Variants in SERPINB9 observed in about 807,000 individuals in gnomAD.
SERPINB9 encodes the protein serpin B9.
A neutral mutation model predicts 27.2 loss-of-function variants in SERPINB9; 20 were observed. The observed-to-expected ratio is 0.74, with a 90% CI of 0.52 to 1.07. The LOEUF (loss-of-function observed/expected upper bound fraction) is 1.07. Ranked by LOEUF, SERPINB9 falls within the 50% of genes least tolerant of loss-of-function variation. The pLI is 0.00. For synonymous variants in SERPINB9, 189 were observed against 180.0 expected (o/e 1.05, Z -0.40); for missense variants, 476 against 460.1 (o/e 1.03, Z -0.32).
intron 5 of SERPINB9, 130 bp downstream of exon 5, chr6:2,893,281 T>G (rs148905641): frequency 1.3e-6 from 1 of 759,200 alleles, no homozygotes; most frequent in East Asian, 3.3e-5. Flanking sequence ...AGTTAAGAAA[T>G]TCATTCAGAA....
intron 1 of SERPINB9, among the ~76,000 whole-genome samples, chr6:2,902,698 A>G (rs1231787966): frequency 4.6e-5 from 7 of 152,094 alleles, no homozygotes; most frequent in African/African-American, 1.7e-4. Flanking sequence ...CTGTATTTTT[A>G]GTAGAGACCG....
Position 2,891,990 on chromosome 6 carries a change from T to TG in SERPINB9, c.568-3dup. On this transcript the variant is annotated splice_region_variant and splice_polypyrimidine_tract_variant and intron_variant, in intron 5 of 6. Transcript: ENST00000380698. The surrounding 1 kb of genome is among the most constrained non-coding windows in gnomAD (Gnocchi z 4.0). The stretch of plus-strand genomic sequence containing the variant: ...CATCTGCACTGGCCTTTGCTCCTCC[T>TG]GGGGGAAGGATTATTGAAAGACGCA... The TG allele has an allele frequency of 6.2e-7, 1 of 1,612,764 alleles. No homozygotes were observed. The highest frequency in any genetic ancestry group is 2.2e-5 in the East Asian group (1 of 44,806).
chr6:2,901,176 T>G (rs1176189955), intron 1 of SERPINB9, among the ~76,000 whole-genome samples: 1 of 152,050 alleles, frequency 6.6e-6, no homozygotes, highest in East Asian at 1.9e-4. Flanking sequence ...GGCAAGTGAG[T>G]GCGTCCTGGA....
chr6:2,896,026 T>C (rs1767984792), intron 3 of SERPINB9, 27 bp downstream of exon 3: 2 of 1,599,614 alleles, frequency 1.3e-6, no homozygotes, highest in South Asian at 2.3e-5. Context: ...TGAATGCAAC[T>C]TTTATTGTTC....
rs1292166996 is a variant in SERPINB9, at chr6:2,891,926, G to A, written c.630C>T (p.Gly210=). The A allele has an allele frequency of 2.5e-6, 4 of 1,613,008 alleles. No individual in the cohort carries two copies. The highest frequency in any genetic ancestry group is 1.1e-5 in the South Asian group (1 of 91,058). ...GCTCCAGCAGCTGCGCGCGCACCTC[G>A]CCCACGTGGGCGAGCTTAAACGTGG... ...QEATFKLAHV[G]EVRAQLLELP... Residue 210 remains glycine (G), a synonymous_variant, in exon 6 of 7, where the codon GGC becomes GGT. Transcript: ENST00000380698. The surrounding 1 kb of genome is among the most constrained non-coding windows in gnomAD (Gnocchi z 4.0).
chr6:2,889,822 C>T lies in SERPINB9; in HGVS notation c.*341G>A, dbSNP rs1008277741. ...GCACCATTTATTACCACTGAGGCAG[C>T]GGGTTAAGGAATGTATTCGCAGTGT... On this transcript the variant is annotated 3_prime_UTR_variant, in exon 7 of 7. Transcript: ENST00000380698. The T allele has an allele frequency of 5.0e-5, 11 of 219,284 alleles. No individual in the cohort carries two copies. The highest frequency in any genetic ancestry group is 1.8e-4 in the African/African-American group (8 of 44,540). 13.6% of individuals were successfully genotyped at this position (219,284 alleles called of 1,614,324 possible).
Position 2,891,585 on chromosome 6 carries a change from C to T in SERPINB9, c.723+248G>A, listed in dbSNP as rs1176111598. Among the ~76,000 whole-genome samples, 1 of 152,140 alleles carries T rather than the reference C, an allele frequency of 6.6e-6. No homozygotes were observed. Among genetic ancestry groups the T allele is most frequent in the Non-Finnish European group, 1.5e-5 (1 of 68,020 alleles). ...CTCCTACCTGATTTATTTTAAAAGGCATTTTAACCGCCGCCCACTCCTTCT... is the reference window on the plus strand; with the variant it reads ...CTCCTACCTGATTTATTTTAAAAGGTATTTTAACCGCCGCCCACTCCTTCT... On this transcript the variant is annotated intron_variant, in intron 6 of 6. Transcript: ENST00000380698. This position sits in a 1 kb window ranked among gnomAD's most constrained non-coding sequence, Gnocchi z 4.0.
chr6:2,893,627 T>G, intron 4 of SERPINB9, 74 bp from the exon 5 acceptor site: 1 of 1,331,340 alleles, frequency 7.5e-7, no homozygotes, highest in South Asian at 1.4e-5. Context: ...CCTGGATCAT[T>G]AGTTGAGAAG....
chr6:2,891,947 C>T lies in SERPINB9; in HGVS notation c.609G>A (p.Thr203=), dbSNP rs1767816858. The T allele has an allele frequency of 3.7e-6, 6 of 1,613,570 alleles. No individual in the cohort carries two copies. The highest frequency in any genetic ancestry group is 2.7e-5 in the African/African-American group (2 of 74,944). ...CCTCGCCCACGTGGGCGAGCTTAAACGTGGCCTCCTGATACATCATCTGCA... is the reference window on the plus strand; with the variant it reads ...CCTCGCCCACGTGGGCGAGCTTAAATGTGGCCTCCTGATACATCATCTGCA... ...RPVQMMYQEA[T]FKLAHVGEVR... The change falls in exon 6 of 7, where the codon ACG becomes ACA. Residue 203 remains threonine (T), a synonymous_variant. Coordinates refer to ENST00000380698, the MANE Select transcript of SERPINB9 (RefSeq NM_004155.6). This position sits in a 1 kb window ranked among gnomAD's most constrained non-coding sequence, Gnocchi z 4.0.
At position 2,894,666 on chromosome 6, in the gene SERPINB9, T is replaced by G. The variant is rs1318783514; in HGVS notation, c.424+725A>C. Among the ~76,000 whole-genome samples, 1 of 152,084 alleles carries G rather than the reference T, an allele frequency of 6.6e-6. No individual in the cohort carries two copies. The highest frequency in any genetic ancestry group is 1.5e-5 in the Non-Finnish European group (1 of 68,014). On this transcript the variant is annotated intron_variant, in intron 4 of 6. Coordinates refer to ENST00000380698, the MANE Select transcript of SERPINB9 (RefSeq NM_004155.6). This position sits in a 1 kb window ranked among gnomAD's most constrained non-coding sequence, Gnocchi z 4.7. The stretch of plus-strand genomic sequence containing the variant: ...TCTCCTTCTCGCAGAGACAATGGAG[T>G]CACCTGACATGTGAATGTTACAGGC...
At chr6:2,901,937 C>T (rs1471195019) in intron 1 of SERPINB9, among the ~76,000 whole-genome samples, 1 of 151,928 alleles carries the variant, frequency 6.6e-6, no homozygotes, top group African/African-American at 2.4e-5. Context: ...CCCCCAGCCA[C>T]CCCCACGCCA....
chr6:2,893,365 T>G lies in SERPINB9; in HGVS notation c.567+46A>C, dbSNP rs753749166. ...CTTTTACAAAGTTAAATCTTTCCATTCAACTTCTTCATCAAACTAGCAGGA... is the reference window on the plus strand; with the variant it reads ...CTTTTACAAAGTTAAATCTTTCCATGCAACTTCTTCATCAAACTAGCAGGA... On this transcript the variant is annotated intron_variant, in intron 5 of 6. Transcript: ENST00000380698. 3.2e-6 allele frequency: 5 copies of G among 1,572,128 alleles called. No homozygotes were observed. The South Asian group carries it at 5.8e-5, about 18-fold the overall frequency.
Position 2,887,454 on chromosome 6 carries a change from C to T in SERPINB9, c.*2709G>A, listed in dbSNP as rs1337400032. On this transcript the variant is annotated 3_prime_UTR_variant, in exon 7 of 7. Transcript: ENST00000380698. ...TTCATAGATGAGGAAATTCAAGAGC[C>T]AATAAATGCATAGAACACTTTCACC... 1.3e-5 allele frequency: 2 copies of T among 152,090 alleles called. No homozygotes were observed. The highest frequency in any genetic ancestry group is 4.8e-5 in the African/African-American group (2 of 41,400). 9.4% of individuals were successfully genotyped at this position (152,090 alleles called of 1,614,324 possible).
At chr6:2,901,568 A>C (rs1768203483) in intron 1 of SERPINB9, among the ~76,000 whole-genome samples, 1 of 152,160 alleles carries the variant, frequency 6.6e-6, no homozygotes, top group Non-Finnish European at 1.5e-5. Flanking sequence ...CTGGAGACCA[A>C]AGTGTGAATG....
chr6:2,899,805 C>G (rs1768132616), intron 2 of SERPINB9: 2 of 353,316 alleles, frequency 5.7e-6, no homozygotes, highest in South Asian at 2.2e-5. Context: ...GAAGGCGTGT[C>G]CAGCGGCCTG....
In SERPINB9 at chr6:2,891,706, G is replaced by A. The variant is rs1159490872; in HGVS notation, c.723+127C>T. 1.6e-5 allele frequency: 18 copies of A among 1,095,562 alleles called. No homozygotes were observed. Among genetic ancestry groups the A allele is most frequent in the Non-Finnish European group, 2.2e-5 (17 of 790,342 alleles). The allele number at this position is 1,095,562 out of a possible 1,614,324, so 67.9% of individuals were successfully genotyped here. A position where few individuals can be genotyped will look rare whatever the true frequency, so the allele number is the denominator to read the frequency against. ...CCTTGAACAAAAGTTCGATCCCAAC[G>A]CCAAGTGCCTGCACAGTGTGCGTCT... On this transcript the variant is annotated intron_variant, in intron 6 of 6. Coordinates refer to ENST00000380698, the MANE Select transcript of SERPINB9 (RefSeq NM_004155.6). This position sits in a 1 kb window ranked among gnomAD's most constrained non-coding sequence, Gnocchi z 4.0.
intron 2 of SERPINB9, among the ~76,000 whole-genome samples, chr6:2,898,098 AAAAC>A (rs1195053595): frequency 1.3e-5 from 2 of 152,078 alleles, no homozygotes; most frequent in Non-Finnish European, 2.9e-5. Context: ...CAAAACAAAC[AAAAC>A]AAACAAAAAA....
intron 2 of SERPINB9, among the ~76,000 whole-genome samples, chr6:2,897,387 A>G (rs1768036483): frequency 6.6e-6 from 1 of 151,562 alleles, no homozygotes. Flanking sequence ...AATCACTTGA[A>G]CCCAGGAGGC....
At chr6:2,902,673 A>C (rs1046917072) in intron 1 of SERPINB9, among the ~76,000 whole-genome samples, 1 of 152,026 alleles carries the variant, frequency 6.6e-6, no homozygotes, top group African/African-American at 2.4e-5. Flanking sequence ...GTGGGCCACC[A>C]TGCCCGGCTA....
Sources: gnomAD v4.1 joint callset for allele counts (sites outside exome capture counted in the v4.1 genomes callset) on GRCh38, gnomAD v4.1.1 for gene constraint, Gnocchi (gnomAD v3.1) non-coding constraint, MANE v1.5 for transcripts, NCBI Gene and HGNC (gene_info 2026-07-23, HGNC 2026-07-21) for gene names.